ALOX5AP: variants seen among roughly 807,000 people sequenced by gnomAD.
The protein encoded by ALOX5AP is arachidonate 5-lipoxygenase-activating protein.
Under a neutral mutation model 18.5 loss-of-function variants are expected in ALOX5AP, and 9 were observed. The observed-to-expected ratio is 0.49, with a 90% CI of 0.29 to 0.85. The LOEUF (loss-of-function observed/expected upper bound fraction) is 0.85, where lower values mean the gene tolerates loss of function less well. ALOX5AP is among the 40% of genes least tolerant of loss of function. The probability of loss-of-function intolerance (pLI) is 0.08; values close to 1 mark genes in which losing one functional copy is unlikely to be tolerated. For synonymous variants in ALOX5AP, 81 were observed against 78.6 expected, an observed-to-expected ratio of 1.03 and a Z score of -0.16; for missense variants, 172 against 202.5, an observed-to-expected ratio of 0.85 and a Z score of 0.91.
chr13:30,747,805 C>T (rs139488946), intron 2 of ALOX5AP, among the ~76,000 whole-genome samples: 3 of 152,224 alleles, frequency 2.0e-5, no homozygotes, highest in Admixed American at 6.5e-5. Context: ...ACACCCCTAC[C>T]GCCCACTTTT....
chr13:30,760,542 G>A (rs1593446819), intron 4 of ALOX5AP, among the ~76,000 whole-genome samples: 1 of 152,344 alleles, frequency 6.6e-6, no homozygotes, highest in South Asian at 2.1e-4. Flanking sequence ...TGCCTGTGGA[G>A]GGCACAGCTG....
At chr13:30,721,663 T>G (rs747755457) in intron 1 of ALOX5AP, among the ~76,000 whole-genome samples, 1 of 152,204 alleles carries the variant, frequency 6.6e-6, no homozygotes, top group Non-Finnish European at 1.5e-5. Flanking sequence ...CAGAGTGCTC[T>G]ACAATGCAAA....
chr13:30,763,494 G>T (rs867177592), intron 4 of ALOX5AP, among the ~76,000 whole-genome samples: 1 of 152,144 alleles, frequency 6.6e-6, no homozygotes, highest in Non-Finnish European at 1.5e-5. Flanking sequence ...AGATTCCACC[G>T]GTTTTATCGG....
chr13:30,751,219 A>G (rs1951849200), intron 2 of ALOX5AP, among the ~76,000 whole-genome samples: 1 of 152,108 alleles, frequency 6.6e-6, no homozygotes, highest in African/African-American at 2.4e-5. Context: ...GCTTGCCACC[A>G]CACCTGGCTA....
intron 1 of ALOX5AP, among the ~76,000 whole-genome samples, chr13:30,719,095 C>G (rs1017512517): frequency 6.6e-6 from 1 of 152,198 alleles, no homozygotes; most frequent in Admixed American, 6.5e-5. Flanking sequence ...AGTCCTGTCT[C>G]AGTTGTCAGC....
intron 2 of ALOX5AP, among the ~76,000 whole-genome samples, chr13:30,745,604 T>C (rs4238137): frequency 0.96 from 146,424 of 152,374 alleles, 70,492 homozygotes; most frequent in East Asian, 1. Flanking sequence ...AACATTTAGG[T>C]CTTCCATGTA....
At chr13:30,758,550 A>T (rs7323579) in intron 4 of ALOX5AP, among the ~76,000 whole-genome samples, 151,910 of 152,304 alleles carry the variant, frequency 1, 75,761 homozygotes, top group Middle Eastern at 1. Flanking sequence ...TTCCATAATG[A>T]ATGCCCCAGT....
intron 2 of ALOX5AP, among the ~76,000 whole-genome samples, chr13:30,744,854 G>A (rs1370362733): frequency 3.3e-5 from 5 of 152,330 alleles, no homozygotes; most frequent in African/African-American, 1.2e-4. Flanking sequence ...CAGGCATGCT[G>A]GGGACTATGG....
At chr13:30,758,757 T>C (rs1407046632) in intron 4 of ALOX5AP, among the ~76,000 whole-genome samples, 2 of 152,038 alleles carry the variant, frequency 1.3e-5, no homozygotes, top group East Asian at 3.9e-4. Context: ...GTTTCTTTTC[T>C]CTTCTTTTCT....
chr13:30,714,262 G>GAC (rs1482268872), intron 1 of ALOX5AP, among the ~76,000 whole-genome samples: 7 of 149,554 alleles, frequency 4.7e-5, no homozygotes, highest in Non-Finnish European at 8.9e-5. Context: ...ACAAAAAGCT[G>GAC]ACAGCATCTC....
chr13:30,714,098 C>A (rs900094209), intron 1 of ALOX5AP, among the ~76,000 whole-genome samples: 2 of 151,832 alleles, frequency 1.3e-5, no homozygotes, highest in African/African-American at 4.8e-5. Context: ...GAACTCTCTG[C>A]CTTGCATTAA....
intron 1 of ALOX5AP, among the ~76,000 whole-genome samples, chr13:30,729,332 G>T (rs1951662736): frequency 1.3e-5 from 2 of 152,062 alleles, no homozygotes; most frequent in African/African-American, 4.8e-5. Flanking sequence ...GAAGGGTCAA[G>T]GTTCATTTTC....
In ALOX5AP at chr13:30,764,171, C is replaced by T. The variant is rs1382791689; in HGVS notation, c.*65C>T. On this transcript the variant is annotated 3_prime_UTR_variant, in exon 5 of 5. Transcript: ENST00000380490. ...ATACCTACAAGTCATCATAATTCAGCTCTTGAGAGCATTCTGCTCTTCTTT... is the reference window on the plus strand; with the variant it reads ...ATACCTACAAGTCATCATAATTCAGTTCTTGAGAGCATTCTGCTCTTCTTT... The T allele has an allele frequency of 4.0e-6, 6 of 1,508,676 alleles. No homozygotes were observed. The African/African-American group carries it at 5.6e-5, about 14-fold the overall frequency. The allele number at this position is 1,508,676 out of a possible 1,614,324, so 93.5% of individuals were successfully genotyped here.
In ALOX5AP at chr13:30,764,226, G is replaced by A; in HGVS notation, c.*120G>A. On this transcript the variant is annotated 3_prime_UTR_variant, in exon 5 of 5. Transcript: ENST00000380490. ...GGCTGTAAATCTATTGGCCATCTGG[G>A]CTTCACAGCTTGAGTTAACCTTGCT... is the stretch of plus-strand genomic sequence containing the variant. 1 of 1,127,450 alleles carries A rather than the reference G, an allele frequency of 8.9e-7. No individual in the cohort carries two copies. Among genetic ancestry groups the A allele is most frequent in the Non-Finnish European group, 1.2e-6 (1 of 811,168 alleles). The allele number at this position is 1,127,450 out of a possible 1,614,324, so 69.8% of individuals were successfully genotyped here.
chr13:30,717,911 C>T lies in ALOX5AP; in HGVS notation c.116+4070C>T, dbSNP rs78859411. 1.7e-4 allele frequency among the ~76,000 whole-genome samples: 25 copies of T among 151,276 alleles called. No homozygotes were observed. The East Asian group carries it at 3.5e-3, about 21-fold the overall frequency. ...GGTCAAGATTAGAGTCCTGCCTTGACGGGCAGGTGAAAGGGGTAGGGGGAG... is the reference window on the plus strand; with the variant it reads ...GGTCAAGATTAGAGTCCTGCCTTGATGGGCAGGTGAAAGGGGTAGGGGGAG... On this transcript the variant is annotated intron_variant, in intron 1 of 5. Transcript: ENST00000617770.
At chr13:30,738,701 C>T (rs988377351) in intron 1 of ALOX5AP, among the ~76,000 whole-genome samples, 1 of 152,302 alleles carries the variant, frequency 6.6e-6, no homozygotes, top group East Asian at 1.9e-4. Context: ...GGGAGGGGCT[C>T]AGTGCCCCTG....
intron 4 of ALOX5AP, among the ~76,000 whole-genome samples, chr13:30,763,657 G>T (rs1012295285): frequency 3.7e-4 from 57 of 152,310 alleles, no homozygotes; most frequent in Admixed American, 2.0e-3. Flanking sequence ...AGGAGCTCTG[G>T]AGTTAAGGAA....
chr13:30,752,861 A>G (rs1349265434), intron 3 of ALOX5AP, among the ~76,000 whole-genome samples: 1 of 152,248 alleles, frequency 6.6e-6, no homozygotes, highest in Non-Finnish European at 1.5e-5. Flanking sequence ...ATTACCTTTC[A>G]GGATACTTTG....
intron 1 of ALOX5AP, among the ~76,000 whole-genome samples, chr13:30,743,039 A>G (rs924247653): frequency 7.9e-5 from 12 of 152,008 alleles, no homozygotes; most frequent in Admixed American, 6.5e-5. Flanking sequence ...TGATGACAAC[A>G]TTCCTCTGCT....
Sources: gnomAD v4.1 joint callset for allele counts (sites outside exome capture counted in the v4.1 genomes callset) on GRCh38, gnomAD v4.1.1 for gene constraint, MANE v1.5 for transcripts, NCBI Gene and HGNC (gene_info 2026-07-23, HGNC 2026-07-21) for gene names.